PYHIN1: variants seen among roughly 807,000 people sequenced by gnomAD.
The protein encoded by PYHIN1 is pyrin and HIN domain family member 1.
PYHIN1 carries 32 observed loss-of-function variants against 43.7 expected under a neutral mutation model. The ratio of observed to expected loss-of-function variants is 0.73; its 90% confidence interval spans 0.55 to 0.98. PYHIN1 has a LOEUF of 0.98. Ranked by LOEUF, PYHIN1 falls within the 50% of genes least tolerant of loss-of-function variation. The pLI, the probability that PYHIN1 is intolerant of heterozygous loss-of-function variation, is 0.00. For missense variants in PYHIN1, 588 were observed against 589.5 expected, an observed-to-expected ratio of 1.00 and a Z score of 0.03; for synonymous variants, 205 against 203.1, an observed-to-expected ratio of 1.01 and a Z score of -0.08.
intron 7 of PYHIN1, among the ~76,000 whole-genome samples, chr1:158,970,042 A>G (rs1412135793): frequency 6.6e-6 from 1 of 151,944 alleles, no homozygotes. Flanking sequence ...AAATTTGTGT[A>G]TGATATAGGT....
chr1:158,948,786 C>A (rs896343702), intron 7 of PYHIN1, among the ~76,000 whole-genome samples: 6 of 152,150 alleles, frequency 3.9e-5, no homozygotes, highest in Non-Finnish European at 8.8e-5. Flanking sequence ...GGCAGAGGAA[C>A]CTTGCCAATC....
At chr1:158,947,308 G>A (rs1358641424) in intron 7 of PYHIN1, among the ~76,000 whole-genome samples, 2 of 152,118 alleles carry the variant, frequency 1.3e-5, no homozygotes, top group South Asian at 2.1e-4. Context: ...GAGAGATTGT[G>A]GGGATATAGC....
At chr1:158,965,654 A>C (rs951047340) in intron 7 of PYHIN1, among the ~76,000 whole-genome samples, 10 of 152,210 alleles carry the variant, frequency 6.6e-5, no homozygotes, top group African/African-American at 1.9e-4. Flanking sequence ...TTGGGTGAAT[A>C]ATAAAGGCAG....
At chr1:158,952,231 C>G (rs1446014493) in intron 7 of PYHIN1, among the ~76,000 whole-genome samples, 2 of 151,346 alleles carry the variant, frequency 1.3e-5, no homozygotes, top group Non-Finnish European at 2.9e-5. Flanking sequence ...GGCTTCCTGT[C>G]GCAGCAGCTG....
intron 7 of PYHIN1, among the ~76,000 whole-genome samples, chr1:158,973,384 A>C (rs928986245): frequency 6.6e-6 from 1 of 151,908 alleles, no homozygotes; most frequent in African/African-American, 2.4e-5. Flanking sequence ...TCCAGCTCAG[A>C]TCCATTTTCT....
At chr1:158,942,573 T>C (rs1032057418) in intron 5 of PYHIN1, among the ~76,000 whole-genome samples, 174 bp downstream of exon 5, 1 of 152,214 alleles carries the variant, frequency 6.6e-6, no homozygotes, top group Non-Finnish European at 1.5e-5. Flanking sequence ...TTAGGAGAAC[T>C]ATTAATGTTC....
rs1651077281 is a variant in PYHIN1, at chr1:158,973,681, C to T, written c.1394C>T (p.Pro465Leu). 1 of 1,612,968 alleles carries T rather than the reference C, an allele frequency of 6.2e-7. No homozygotes were observed. The highest frequency in any genetic ancestry group is 1.7e-5 in the Admixed American group (1 of 59,838). ...DETHPGAQSSPANFRITSPTV... is the reference protein window; with the variant it reads ...DETHPGAQSSLANFRITSPTV... The stretch of plus-strand genomic sequence containing the variant: ...ACCCACCCAGGAGCACAGTCATCGC[C>T]TGCAAACTTTAGAATCACCTCACCA... Residue 465 changes from proline to leucine, a missense_variant, in exon 8 of 9, where the codon CCT (proline) becomes CTT (leucine). Transcript: ENST00000368140.
At chr1:158,941,946 CT>C (rs766985728) in intron 4 of PYHIN1, 30 bp from the exon 5 acceptor site, 2 of 1,534,182 alleles carry the variant, frequency 1.3e-6, no homozygotes, top group African/African-American at 1.4e-5. Context: ...TCAAAAATTT[CT>C]TTTTTGTATT....
intron 7 of PYHIN1, among the ~76,000 whole-genome samples, chr1:158,953,117 G>A (rs536456867): frequency 9.2e-5 from 14 of 152,308 alleles, no homozygotes; most frequent in East Asian, 3.9e-4. Flanking sequence ...CACGGGTCTC[G>A]CTGATTGCTA....
chr1:158,971,668 A>G (rs1266923764), intron 7 of PYHIN1, among the ~76,000 whole-genome samples: 1 of 152,014 alleles, frequency 6.6e-6, no homozygotes, highest in African/African-American at 2.4e-5. Flanking sequence ...TCCTTTGTGT[A>G]TTTGCTTGAT....
Position 158,973,659 on chromosome 1 carries a change from C to A in PYHIN1, c.1372C>A (p.His458Asn), listed in dbSNP as rs1213371619. Residue 458 changes from histidine (H) to asparagine (N), a missense_variant, in exon 8 of 9, where the codon CAC becomes AAC. His to Asn is a moderately conservative substitution (Grantham distance 68, BLOSUM62 1). Coordinates refer to ENST00000368140, the MANE Select transcript of PYHIN1 (RefSeq NM_152501.5). ...SSSFTKKDETHPGAQSSPANF... is the reference protein window; with the variant it reads ...SSSFTKKDETNPGAQSSPANF... ...TTTATGACTCCAGAAGGATGAAACC[C>A]ACCCAGGAGCACAGTCATCGCCTGC... 5.6e-6 allele frequency: 9 copies of A among 1,612,944 alleles called. No individual in the cohort carries two copies. The highest frequency in any genetic ancestry group is 1.7e-4 in the Middle Eastern group (1 of 6,052).
At chr1:158,948,703 C>T (rs191601942) in intron 7 of PYHIN1, among the ~76,000 whole-genome samples, 2 of 152,280 alleles carry the variant, frequency 1.3e-5, no homozygotes, top group Admixed American at 1.3e-4. Context: ...ATGGCTGAGA[C>T]CATAAAGGCT....
chr1:158,990,058 A>G, the PYHIN1 span, among the ~76,000 whole-genome samples: 1 of 149,464 alleles, frequency 6.7e-6, no homozygotes, highest in Non-Finnish European at 1.5e-5. Flanking sequence ...CTTCTCATCA[A>G]TGCTTCATGA....
chr1:158,949,401 C>T (rs1252861107), intron 7 of PYHIN1, among the ~76,000 whole-genome samples: 1 of 152,044 alleles, frequency 6.6e-6, no homozygotes, highest in Non-Finnish European at 1.5e-5. Context: ...TATTATTATA[C>T]TTTAAGTTTT....
At position 158,939,147 on chromosome 1, in the gene PYHIN1, G is replaced by C; in HGVS notation, c.479G>C (p.Arg160Pro). The C allele has an allele frequency of 2.5e-6, 4 of 1,613,700 alleles. No individual in the cohort carries two copies. The highest frequency in any genetic ancestry group is 2.5e-6 in the Non-Finnish European group (3 of 1,179,892). ...KRSKMSKEQT[R>P]PSCSAGASTS... is the part of the protein sequence containing the mutation. Reference sequence around the variant, plus strand: ...AGTAAGATGTCCAAAGAGCAGACTCGGCCTTCCTGCTCTGCAGGAGCCAGC... The same window carrying C: ...AGTAAGATGTCCAAAGAGCAGACTCCGCCTTCCTGCTCTGCAGGAGCCAGC... The change falls in exon 4 of 9, where the codon CGG (arginine) becomes CCG (proline). Residue 160 changes from arginine to proline, a missense_variant. Transcript: ENST00000368140.
chr1:158,969,505 A>T (rs1371763461), intron 7 of PYHIN1, among the ~76,000 whole-genome samples: 1 of 151,948 alleles, frequency 6.6e-6, no homozygotes, highest in Admixed American at 6.6e-5. Context: ...CTATGTAAGG[A>T]GTTCTCATTT....
chr1:158,973,538 T>TC (rs1651064628), intron 7 of PYHIN1, 109 bp from the exon 8 acceptor site: 1 of 763,504 alleles, frequency 1.3e-6, no homozygotes, highest in African/African-American at 1.7e-5. Context: ...CACACACACA[T>TC]ATACACACAT....
chr1:158,970,368 T>G (rs947565097), intron 7 of PYHIN1, among the ~76,000 whole-genome samples: 1 of 151,970 alleles, frequency 6.6e-6, no homozygotes, highest in Non-Finnish European at 1.5e-5. Flanking sequence ...GTTGGGACTT[T>G]TAGTGTATCC....
rs931678686 is a variant in PYHIN1, at chr1:158,972,784, C to T, written c.1360-863C>T. ...TCTTCAAGCAAGACCTCCTGATAAC[C>T]CCATCCAAAAATAAGACAGATCATC... On this transcript the variant is annotated intron_variant, in intron 7 of 8. Coordinates refer to ENST00000368140, the MANE Select transcript of PYHIN1 (RefSeq NM_152501.5). Among the ~76,000 whole-genome samples the T allele has an allele frequency of 7.2e-5, 11 of 152,162 alleles. No individual in the cohort carries two copies. The East Asian group carries it at 1.4e-3, about 19-fold the overall frequency.
Sources: gnomAD v4.1 joint callset for allele counts (sites outside exome capture counted in the v4.1 genomes callset) on GRCh38, gnomAD v4.1.1 for gene constraint, MANE v1.5 for transcripts, NCBI Gene and HGNC (gene_info 2026-07-23, HGNC 2026-07-21) for gene names.